Variants in ERC2 observed in about 807,000 individuals in gnomAD.
ERC2 encodes ELKS/RAB6-interacting/CAST family member 2, also known as ERC protein 2.
In ERC2, 42 loss-of-function variants were observed where a neutral mutation model predicts 114.8. The observed-to-expected ratio is 0.37, with a 90% CI of 0.29 to 0.47. The LOEUF is 0.47. ERC2 is among the 20% of genes least tolerant of loss of function. The probability of loss-of-function intolerance (pLI) is 0.99; values close to 1 mark genes in which losing one functional copy is unlikely to be tolerated. For synonymous variants in ERC2, 454 were observed against 425.5 expected (o/e 1.07, Z -0.82); for missense variants, 939 against 1,150.7 (o/e 0.82, Z 2.66).
chr3:56,116,877 A>G (rs1349927550), intron 6 of ERC2, among the ~76,000 whole-genome samples: 3 of 152,188 alleles, frequency 2.0e-5, no homozygotes, highest in South Asian at 2.1e-4. Context: ...ATTATAAAAA[A>G]TGTATATTAA....
chr3:55,642,454 C>A (rs943395544), intron 17 of ERC2, among the ~76,000 whole-genome samples: 7 of 151,860 alleles, frequency 4.6e-5, no homozygotes, highest in Non-Finnish European at 8.8e-5. Flanking sequence ...TGTGCCTCAG[C>A]CTCCCAAGTA....
At chr3:55,736,289 T>A (rs562681678) in intron 14 of ERC2, among the ~76,000 whole-genome samples, 1 of 152,158 alleles carries the variant, frequency 6.6e-6, no homozygotes, top group African/African-American at 2.4e-5. Flanking sequence ...GGGCCTCTGT[T>A]CCTCTTCTCC....
intron 16 of ERC2, among the ~76,000 whole-genome samples, chr3:55,686,814 G>A (rs756834573): frequency 4.3e-4 from 66 of 152,262 alleles, no homozygotes; most frequent in Non-Finnish European, 6.6e-4. Context: ...TCCCTTGTGT[G>A]TCCTTTGTGA....
intron 14 of ERC2, among the ~76,000 whole-genome samples, chr3:55,825,283 G>A (rs566757875): frequency 6.6e-6 from 1 of 152,246 alleles, no homozygotes; most frequent in Admixed American, 6.5e-5. Context: ...TCTTGGGCTG[G>A]CATTTTCCAA....
chr3:55,674,920 C>T (rs566217792), intron 17 of ERC2, among the ~76,000 whole-genome samples: 3 of 152,270 alleles, frequency 2.0e-5, no homozygotes, highest in Non-Finnish European at 2.9e-5. Context: ...AGGTTGCAAA[C>T]GCTGACTCTT....
intron 14 of ERC2, among the ~76,000 whole-genome samples, chr3:55,831,852 C>A (rs1364646714): frequency 6.6e-6 from 1 of 152,204 alleles, no homozygotes; most frequent in African/African-American, 2.4e-5. Context: ...CTTTCCTAGT[C>A]AAAGAAAGGG....
chr3:55,545,552 C>A (rs1311475978), intron 17 of ERC2, among the ~76,000 whole-genome samples: 1 of 152,214 alleles, frequency 6.6e-6, no homozygotes, highest in Non-Finnish European at 1.5e-5. Flanking sequence ...AACTGAGGAA[C>A]AATTTATCCT....
At chr3:56,055,502 T>C (rs1191560857) in intron 7 of ERC2, among the ~76,000 whole-genome samples, 1 of 152,242 alleles carries the variant, frequency 6.6e-6, no homozygotes, top group Non-Finnish European at 1.5e-5. Context: ...TATATTTATG[T>C]CTGGTTCTGA....
chr3:55,571,124 CAAAAAAAAAAAA>C (rs60594862), intron 17 of ERC2, among the ~76,000 whole-genome samples: 1 of 67,444 alleles, frequency 1.5e-5, no homozygotes, highest in Non-Finnish European at 3.2e-5. Context: ...GAGACTCCGT[CAAAAAAAAAAAA>C]AAAAAAAAAA....
At chr3:55,898,161 C>CA (rs776076489) in intron 13 of ERC2, among the ~76,000 whole-genome samples, 106 of 152,232 alleles carry the variant, frequency 7.0e-4, no homozygotes, top group Non-Finnish European at 9.7e-4. Context: ...GAGAAAGTGT[C>CA]AGAGTACAAA....
intron 15 of ERC2, among the ~76,000 whole-genome samples, chr3:55,732,298 A>C (rs901696657): frequency 6.6e-6 from 1 of 152,174 alleles, no homozygotes; most frequent in African/African-American, 2.4e-5. Context: ...GGCAATAAGG[A>C]TACTGAAATT....
In ERC2 at chr3:55,879,589, G is replaced by A. The variant is rs2063027395; in HGVS notation, c.2564+8800C>T. The stretch of plus-strand genomic sequence containing the variant: ...TCTACCAACCATGGTACCCAGAAAT[G>A]AACTCAGATATGCACTAAACATACA... On this transcript the variant is annotated intron_variant, in intron 14 of 17. Coordinates refer to ENST00000288221, the MANE Select transcript of ERC2 (RefSeq NM_015576.3). 2.6e-5 allele frequency among the ~76,000 whole-genome samples: 4 copies of A among 152,130 alleles called. No homozygotes were observed. In the South Asian group the frequency reaches 6.2e-4, roughly 24 times the overall value.
intron 4 of ERC2, among the ~76,000 whole-genome samples, chr3:56,166,025 C>T (rs937334123): frequency 1.3e-5 from 2 of 151,944 alleles, no homozygotes; most frequent in African/African-American, 4.8e-5. Context: ...TTAGCTATAG[C>T]TTTCTTGTAA....
At chr3:55,983,882 C>CATTTT (rs2070363261) in intron 12 of ERC2, among the ~76,000 whole-genome samples, 1 of 152,122 alleles carries the variant, frequency 6.6e-6, no homozygotes, top group Non-Finnish European at 1.5e-5. Context: ...TCAATTATTA[C>CATTTT]ATTTTATCTT....
At chr3:56,090,148 G>A (rs1338655613) in intron 6 of ERC2, among the ~76,000 whole-genome samples, 4 of 152,136 alleles carry the variant, frequency 2.6e-5, no homozygotes, top group Admixed American at 6.5e-5. Context: ...ACTCTTTCAC[G>A]TCAATCTCTA....
chr3:56,379,641 A>G (rs980128436), intron 2 of ERC2, among the ~76,000 whole-genome samples: 1 of 152,190 alleles, frequency 6.6e-6, no homozygotes, highest in African/African-American at 2.4e-5. Context: ...ATACTCAACA[A>G]GAGGGAGTAA....
intron 3 of ERC2, among the ~76,000 whole-genome samples, chr3:56,192,580 G>T (rs1259027443): frequency 1.3e-5 from 2 of 152,156 alleles, no homozygotes; most frequent in African/African-American, 4.8e-5. Flanking sequence ...CACAGGGTTG[G>T]TGAGCAGCTG....
chr3:56,167,920 C>T (rs1035054936), intron 4 of ERC2, among the ~76,000 whole-genome samples: 10 of 152,162 alleles, frequency 6.6e-5, no homozygotes, highest in African/African-American at 2.4e-4. Flanking sequence ...CAAAATACAG[C>T]TCTGCACCTT....
intron 17 of ERC2, among the ~76,000 whole-genome samples, chr3:55,523,743 T>C (rs1387127442): frequency 6.6e-6 from 1 of 152,188 alleles, no homozygotes; most frequent in Non-Finnish European, 1.5e-5. Context: ...GCAATAAATA[T>C]TGAAGTAGGT....
Sources: gnomAD v4.1 joint callset for allele counts (sites outside exome capture counted in the v4.1 genomes callset) on GRCh38, gnomAD v4.1.1 for gene constraint, MANE v1.5 for transcripts, NCBI Gene and HGNC (gene_info 2026-07-23, HGNC 2026-07-21) for gene names.